The following CSMD1 variants were observed in gnomAD, a reference collection of about 807,000 sequenced individuals.
The protein encoded by CSMD1 is CUB and Sushi multiple domains 1.
CSMD1 carries 213 observed loss-of-function variants against 417.5 expected under a neutral mutation model. The observed-to-expected ratio is 0.51, with a 90% CI of 0.46 to 0.57. The LOEUF is 0.57. CSMD1 is among the 20% of genes least tolerant of loss of function. The pLI is 0.00. For synonymous variants in CSMD1, 2,862 were observed against 1,736.8 expected, an observed-to-expected ratio of 1.65 and a Z score of -16.11; for missense variants, 6,923 against 4,529.7, an observed-to-expected ratio of 1.53 and a Z score of -15.17.
At chr8:4,972,341 G>T (rs1482592125) in intron 1 of CSMD1, among the ~76,000 whole-genome samples, 1 of 152,200 alleles carries the variant, frequency 6.6e-6, no homozygotes. Flanking sequence ...AGTGTCAAGG[G>T]GGAGACCGGG....
rs997530404 is a variant in CSMD1 at position 3,962,986 on chromosome 8, G to C, written c.818+34917C>G. On this transcript the variant is annotated intron_variant, in intron 5 of 69. Coordinates refer to ENST00000635120, the MANE Select transcript of CSMD1 (RefSeq NM_033225.6). ...GACTCTTGCTCCGTCACCCAGGCTG[G>C]AGTGCGGTGGAGCAATCTCGGCTCA... Among the ~76,000 whole-genome samples the C allele has an allele frequency of 5.3e-5, 8 of 152,216 alleles. No homozygotes were observed. In the East Asian group the frequency reaches 1.4e-3, roughly 26 times the overall value.
chr8:3,118,745 T>C (rs1361130277), intron 41 of CSMD1, among the ~76,000 whole-genome samples, 158 bp from the exon 42 acceptor site: 1 of 152,224 alleles, frequency 6.6e-6, no homozygotes, highest in African/African-American at 2.4e-5. Flanking sequence ...TCCAGACCAA[T>C]ATAATTATTA....
At chr8:4,246,744 A>C (rs1802738600) in intron 3 of CSMD1, among the ~76,000 whole-genome samples, 1 of 152,160 alleles carries the variant, frequency 6.6e-6, no homozygotes, top group Non-Finnish European at 1.5e-5. Context: ...TATTTATTTA[A>C]ATAAAGAAAA....
At chr8:3,879,184 G>A (rs1254326000) in intron 5 of CSMD1, among the ~76,000 whole-genome samples, 1 of 152,000 alleles carries the variant, frequency 6.6e-6, no homozygotes, top group Admixed American at 6.6e-5. Flanking sequence ...GTTTATTACA[G>A]CACACTTCTC....
At chr8:2,941,992 T>C (rs1801906298) in intron 69 of CSMD1, among the ~76,000 whole-genome samples, 1 of 152,236 alleles carries the variant, frequency 6.6e-6, no homozygotes, top group African/African-American at 2.4e-5. Flanking sequence ...TCATTTATTC[T>C]CTTATTTCTT....
intron 1 of CSMD1, among the ~76,000 whole-genome samples, chr8:4,891,165 G>C (rs1036302111): frequency 6.6e-6 from 1 of 152,110 alleles, no homozygotes; most frequent in Non-Finnish European, 1.5e-5. Flanking sequence ...GAGTCAATGA[G>C]ATTTCTGAAA....
At chr8:3,904,604 T>G (rs1055437514) in intron 5 of CSMD1, among the ~76,000 whole-genome samples, 1 of 151,868 alleles carries the variant, frequency 6.6e-6, no homozygotes, top group African/African-American at 2.4e-5. Flanking sequence ...TATTTTTTAT[T>G]TCCTTTTTCT....
At chr8:4,110,961 T>C (rs1801821256) in intron 3 of CSMD1, among the ~76,000 whole-genome samples, 1 of 152,150 alleles carries the variant, frequency 6.6e-6, no homozygotes, top group Non-Finnish European at 1.5e-5. Context: ...GTATTACAGT[T>C]TCTTTCTAAA....
At chr8:3,901,878 C>T (rs940725944) in intron 5 of CSMD1, among the ~76,000 whole-genome samples, 4 of 152,178 alleles carry the variant, frequency 2.6e-5, no homozygotes, top group Non-Finnish European at 4.4e-5. Context: ...TTCTCTAGTG[C>T]TTTTCCCATT....
intron 1 of CSMD1, among the ~76,000 whole-genome samples, chr8:4,669,993 C>T (rs559879717): frequency 1.2e-4 from 18 of 152,236 alleles, no homozygotes; most frequent in African/African-American, 4.1e-4. Flanking sequence ...TCTATTAACA[C>T]TAGTGAAGTG....
chr8:3,694,475 G>A (rs963479779), intron 7 of CSMD1, among the ~76,000 whole-genome samples: 3 of 152,092 alleles, frequency 2.0e-5, no homozygotes, highest in Non-Finnish European at 2.9e-5. Context: ...CGGCCAGGCC[G>A]AAAACACCAT....
intron 29 of CSMD1, 67 bp from the exon 30 acceptor site, chr8:3,214,758 T>C (rs1487863233): frequency 4.7e-5 from 62 of 1,327,534 alleles, no homozygotes; most frequent in Non-Finnish European, 5.6e-5. Context: ...TTTTTGTTTG[T>C]TGGGTTGGTT....
intron 1 of CSMD1, among the ~76,000 whole-genome samples, chr8:4,879,478 G>C (rs148854928): frequency 1.3e-5 from 2 of 152,188 alleles, no homozygotes; most frequent in African/African-American, 4.8e-5. Flanking sequence ...CTTTGAAATA[G>C]CAAATATGAA....
chr8:4,713,323 G>C (rs865871687), intron 1 of CSMD1, among the ~76,000 whole-genome samples: 1 of 152,190 alleles, frequency 6.6e-6, no homozygotes. Context: ...GACCCATCCG[G>C]TGGTGTGGTG....
At chr8:3,974,376 AAAG>A (rs1813282235) in intron 5 of CSMD1, among the ~76,000 whole-genome samples, 3 of 151,992 alleles carry the variant, frequency 2.0e-5, no homozygotes, top group African/African-American at 7.2e-5. Context: ...ACAGCTTTTA[AAAG>A]AAGGAGGAAA....
intron 5 of CSMD1, among the ~76,000 whole-genome samples, chr8:3,841,071 C>T (rs942653269): frequency 2.6e-5 from 4 of 152,042 alleles, no homozygotes; most frequent in Admixed American, 6.6e-5. Flanking sequence ...CTAAACTACA[C>T]TGATTGATGT....
At chr8:3,967,711 T>C (rs532135447) in intron 5 of CSMD1, among the ~76,000 whole-genome samples, 2 of 152,206 alleles carry the variant, frequency 1.3e-5, no homozygotes, top group Admixed American at 1.3e-4. Flanking sequence ...ATAAGGGAAG[T>C]GGGCAAGAGA....
intron 49 of CSMD1, among the ~76,000 whole-genome samples, chr8:3,066,292 A>G (rs73494460): frequency 0.051 from 7,819 of 152,306 alleles, 713 homozygotes; most frequent in African/African-American, 0.18. Context: ...GATTCATTCA[A>G]ATAAATGACT....
At chr8:3,561,499 T>C (rs763335479) in intron 10 of CSMD1, among the ~76,000 whole-genome samples, 1 of 152,180 alleles carries the variant, frequency 6.6e-6, no homozygotes, top group African/African-American at 2.4e-5. Context: ...AATGTCATTA[T>C]CCTAAGTAAA....
Sources: gnomAD v4.1 joint callset for allele counts (sites outside exome capture counted in the v4.1 genomes callset) on GRCh38, gnomAD v4.1.1 for gene constraint, MANE v1.5 for transcripts, NCBI Gene and HGNC (gene_info 2026-07-23, HGNC 2026-07-21) for gene names.